EGFR: variants seen among roughly 807,000 people sequenced by gnomAD.
EGFR encodes avian erythroblastic leukemia viral (v-erb-b) oncogene homolog.
Under a neutral mutation model 143.0 loss-of-function variants are expected in EGFR, and 58 were observed. That is an observed-to-expected ratio of 0.41 (90% CI 0.33 to 0.50). The LOEUF is 0.50. EGFR is among the 20% of genes least tolerant of loss of function. EGFR has a pLI of 0.39. For missense variants in EGFR, 1,307 were observed against 1,579.0 expected (o/e 0.83, Z 2.92); for synonymous variants, 613 against 594.4 (o/e 1.03, Z -0.45).
rs2128958812 is a variant in EGFR at position 55,181,446 on chromosome 7, T to C, written c.2437T>C (p.Tyr813His). ...REHKDNIGSQ[Y>H]LLNWCVQIAK... Reference sequence around the variant, plus strand: ...ACACAAAGACAATATTGGCTCCCAGTACCTGCTCAACTGGTGTGTGCAGAT... The same window carrying C: ...ACACAAAGACAATATTGGCTCCCAGCACCTGCTCAACTGGTGTGTGCAGAT... Residue 813 changes from tyrosine to histidine, a missense_variant, in exon 20 of 28, where the codon TAC (tyrosine) becomes CAC (histidine). Tyr to His is a moderately conservative substitution (Grantham distance 83, BLOSUM62 2). Transcript: ENST00000275493. 6 of 1,614,180 alleles carry C rather than the reference T, an allele frequency of 3.7e-6. No individual in the cohort carries two copies. The highest frequency in any genetic ancestry group is 1.3e-5 in the African/African-American group (1 of 75,050).
At chr7:55,094,548 C>T (rs1451952116) in intron 1 of EGFR, among the ~76,000 whole-genome samples, 1 of 152,156 alleles carries the variant, frequency 6.6e-6, no homozygotes, top group Non-Finnish European at 1.5e-5. Context: ...GGAGTGAGAA[C>T]ATCTGGGTCA....
chr7:55,118,792 A>G (rs1354573690), intron 1 of EGFR, among the ~76,000 whole-genome samples: 1 of 152,158 alleles, frequency 6.6e-6, no homozygotes, highest in Non-Finnish European at 1.5e-5. Context: ...GGGTGAAGTG[A>G]CACATAAGAA....
At chr7:55,061,795 A>G (rs1201698976) in intron 1 of EGFR, among the ~76,000 whole-genome samples, 1 of 152,180 alleles carries the variant, frequency 6.6e-6, no homozygotes, top group Non-Finnish European at 1.5e-5. Context: ...TACTTAACCT[A>G]CCAGGCAATT....
intron 1 of EGFR, among the ~76,000 whole-genome samples, chr7:55,124,929 C>T (rs1259158951): frequency 6.6e-6 from 1 of 152,252 alleles, no homozygotes; most frequent in East Asian, 1.9e-4. Flanking sequence ...TAACCCCTGT[C>T]GGGGTGTCCA....
intron 1 of EGFR, among the ~76,000 whole-genome samples, chr7:55,033,833 C>T (rs1466525492): frequency 6.6e-6 from 1 of 152,228 alleles, no homozygotes; most frequent in East Asian, 1.9e-4. Context: ...CTCACTTTCC[C>T]TCAAGAGTGT....
intron 1 of EGFR, among the ~76,000 whole-genome samples, chr7:55,101,312 T>G (rs917244533): frequency 1.3e-5 from 2 of 152,366 alleles, no homozygotes; most frequent in Non-Finnish European, 1.5e-5. Context: ...TGAGGTACAC[T>G]CAGATGTGAT....
intron 1 of EGFR, among the ~76,000 whole-genome samples, chr7:55,034,330 T>C (rs1279505453): frequency 1.3e-5 from 2 of 152,168 alleles, no homozygotes; most frequent in Non-Finnish European, 2.9e-5. Flanking sequence ...ACCTTCCGGG[T>C]TCAAGTGATT....
intron 1 of EGFR, among the ~76,000 whole-genome samples, chr7:55,052,477 G>A (rs1434924782): frequency 1.3e-5 from 2 of 152,086 alleles, no homozygotes; most frequent in African/African-American, 4.8e-5. Flanking sequence ...GTAATCAATC[G>A]ATCAATCAAT....
At chr7:55,052,769 G>A (rs1016519475) in intron 1 of EGFR, among the ~76,000 whole-genome samples, 25 of 152,330 alleles carry the variant, frequency 1.6e-4, no homozygotes, top group African/African-American at 6.0e-4. Flanking sequence ...CAAGGGCTCC[G>A]GGTGGGAATG....
At chr7:55,101,596 G>A (rs1791830482) in intron 1 of EGFR, among the ~76,000 whole-genome samples, 1 of 152,196 alleles carries the variant, frequency 6.6e-6, no homozygotes, top group Non-Finnish European at 1.5e-5. Flanking sequence ...TCCGGGCACA[G>A]CATTGGCTGA....
chr7:55,096,797 G>C (rs140756043), intron 1 of EGFR, among the ~76,000 whole-genome samples: 1 of 152,176 alleles, frequency 6.6e-6, no homozygotes, highest in Non-Finnish European at 1.5e-5. Flanking sequence ...GGGCGCAGGC[G>C]CAGAGCGGTT....
intron 22 of EGFR, among the ~76,000 whole-genome samples, chr7:55,196,488 T>C (rs1317287017): frequency 6.6e-6 from 1 of 152,150 alleles, no homozygotes; most frequent in Non-Finnish European, 1.5e-5. Context: ...ACTCTGATGA[T>C]AGTTTCTTTT....
chr7:55,068,769 A>AAG (rs142192851), intron 1 of EGFR, among the ~76,000 whole-genome samples: 7 of 150,630 alleles, frequency 4.6e-5, no homozygotes, highest in East Asian at 1.9e-4. Context: ...AACCTTAGAG[A>AAG]AGAGAGAGAG....
At chr7:55,160,979 G>A (rs943554192) in intron 12 of EGFR, among the ~76,000 whole-genome samples, 1 of 152,242 alleles carries the variant, frequency 6.6e-6, no homozygotes, top group South Asian at 2.1e-4. Flanking sequence ...CTAGCACACA[G>A]CACACAGCCA....
At chr7:55,173,383 TG>T (rs1258162038) in intron 17 of EGFR, among the ~76,000 whole-genome samples, 6 of 152,220 alleles carry the variant, frequency 3.9e-5, no homozygotes, top group African/African-American at 1.4e-4. Context: ...GGTGCCTGTG[TG>T]TGCATAGGAG....
At chr7:55,030,176 C>T (rs367636999) in intron 1 of EGFR, among the ~76,000 whole-genome samples, 1 of 152,150 alleles carries the variant, frequency 6.6e-6, no homozygotes, top group Non-Finnish European at 1.5e-5. Context: ...ACATGCAGGT[C>T]AAGGTTACTT....
chr7:55,200,603 G>C (rs1313977489), intron 24 of EGFR, 190 bp downstream of exon 24: 4 of 658,774 alleles, frequency 6.1e-6, no homozygotes, highest in Non-Finnish European at 1.1e-5. Context: ...CGTGAGTGGG[G>C]CCCACCCAAC....
intron 1 of EGFR, among the ~76,000 whole-genome samples, chr7:55,136,145 G>A (rs6969570): frequency 0.89 from 136,010 of 152,220 alleles, 60,843 homozygotes; most frequent in East Asian, 1. Flanking sequence ...AGAAATGACC[G>A]GTCCTGATTC....
rs533945262 is a variant in EGFR at position 55,029,140 on chromosome 7, C to G, written c.88+9775C>G. Among the ~76,000 whole-genome samples, 5 of 152,250 alleles carry G rather than the reference C, an allele frequency of 3.3e-5. No homozygotes were observed. The East Asian group carries it at 9.6e-4, about 29-fold the overall frequency. On this transcript the variant is annotated intron_variant, in intron 1 of 27. Transcript: ENST00000275493. Reference sequence around the variant, plus strand: ...CACCACTACACTCCAGCCTAGGCGACAGAGCAAGACTCAGTCAAAAAACAA... The same window carrying G: ...CACCACTACACTCCAGCCTAGGCGAGAGAGCAAGACTCAGTCAAAAAACAA...
Sources: gnomAD v4.1 joint callset for allele counts (sites outside exome capture counted in the v4.1 genomes callset) on GRCh38, gnomAD v4.1.1 for gene constraint, MANE v1.5 for transcripts, NCBI Gene and HGNC (gene_info 2026-07-23, HGNC 2026-07-21) for gene names.